The following LRRC49 variants were observed in gnomAD, a reference collection of about 807,000 sequenced individuals.
LRRC49 encodes the protein leucine-rich repeat-containing protein 49.
In LRRC49, 50 loss-of-function variants were observed where a neutral mutation model predicts 83.3. The ratio of observed to expected loss-of-function variants is 0.60; its 90% CI spans 0.48 to 0.76. LRRC49 has a LOEUF of 0.76. LRRC49 is among the 30% of genes least tolerant of loss of function. The pLI is 0.00. For missense variants in LRRC49, 704 were observed against 809.1 expected, an observed-to-expected ratio of 0.87 and a Z score of 1.58; for synonymous variants, 286 against 283.3, an observed-to-expected ratio of 1.01 and a Z score of -0.10.
intron 15 of LRRC49, among the ~76,000 whole-genome samples, chr15:71,039,141 G>A (rs1449183547): frequency 6.6e-6 from 1 of 152,110 alleles, no homozygotes; most frequent in Non-Finnish European, 1.5e-5. Context: ...ATAGCACAGT[G>A]CAAATAAGGC....
At chr15:70,876,047 G>A (rs1469830861) in intron 2 of LRRC49, among the ~76,000 whole-genome samples, 1 of 151,996 alleles carries the variant, frequency 6.6e-6, no homozygotes, top group Non-Finnish European at 1.5e-5. Context: ...GCATGTTCTT[G>A]GTCTCTCCAG....
At chr15:71,007,333 T>G (rs1292608350) in intron 11 of LRRC49, among the ~76,000 whole-genome samples, 1 of 151,996 alleles carries the variant, frequency 6.6e-6, no homozygotes, top group East Asian at 1.9e-4. Context: ...ATCTTTAGCC[T>G]CACTCACTAT....
chr15:71,041,304 A>G (rs951964713), intron 15 of LRRC49, among the ~76,000 whole-genome samples: 5 of 152,210 alleles, frequency 3.3e-5, no homozygotes, highest in Non-Finnish European at 7.3e-5. Flanking sequence ...CAGATAATGC[A>G]ATGAAACAAG....
chr15:71,052,680 C>T lies in LRRC49; in HGVS notation c.*3068C>T, dbSNP rs933462306. The T allele has an allele frequency of 6.6e-6, 1 of 152,174 alleles. No individual in the cohort carries two copies. The highest frequency in any genetic ancestry group is 2.4e-5 in the African/African-American group (1 of 41,432). The allele number at this position is 152,174 out of a possible 1,614,324, so 9.4% of individuals were successfully genotyped here. On this transcript the variant is annotated 3_prime_UTR_variant, in exon 16 of 16. Transcript: ENST00000260382. ...ATTATAAGCTCTTTGTATACATTCT[C>T]ATTTAATCTCCTAACACTGCGATAT...
At chr15:70,882,862 T>A in intron 2 of LRRC49, 1 of 1,614,124 alleles carries the variant, frequency 6.2e-7, no homozygotes, top group Middle Eastern at 1.7e-4. Flanking sequence ...ATTAGATGGA[T>A]TATCAGCATG....
At chr15:71,031,989 C>G (rs1370054069) in intron 14 of LRRC49, among the ~76,000 whole-genome samples, 1 of 152,146 alleles carries the variant, frequency 6.6e-6, no homozygotes, top group African/African-American at 2.4e-5. Context: ...AGACCGCTTT[C>G]CAGGGGAGTG....
chr15:70,905,064 G>A (rs1036620519), intron 5 of LRRC49, among the ~76,000 whole-genome samples: 4 of 152,116 alleles, frequency 2.6e-5, no homozygotes, highest in African/African-American at 9.7e-5. Context: ...TTAGACATGT[G>A]TATTCACTTT....
chr15:71,044,886 CTTTTT>C (rs71152326), intron 15 of LRRC49, among the ~76,000 whole-genome samples: 3 of 74,458 alleles, frequency 4.0e-5, no homozygotes, highest in Admixed American at 1.9e-4. Flanking sequence ...CAGAAACAAT[CTTTTT>C]TTTTTTTTTT....
At chr15:70,964,920 G>A (rs985781334) in intron 9 of LRRC49, among the ~76,000 whole-genome samples, 6 of 152,072 alleles carry the variant, frequency 3.9e-5, no homozygotes, top group African/African-American at 9.7e-5. Context: ...TCATTTATGC[G>A]TTGGCAATAC....
intron 7 of LRRC49, among the ~76,000 whole-genome samples, chr15:70,926,800 A>T (rs1238933082): frequency 1.3e-5 from 2 of 152,036 alleles, no homozygotes; most frequent in African/African-American, 4.8e-5. Flanking sequence ...TAGTTTGCAG[A>T]GAATGATGGT....
intron 6 of LRRC49, among the ~76,000 whole-genome samples, chr15:70,912,913 G>T (rs186149916): frequency 2.6e-5 from 4 of 152,136 alleles, no homozygotes; most frequent in Non-Finnish European, 4.4e-5. Flanking sequence ...TCCTGACCTC[G>T]TGATCCACCT....
chr15:70,955,909 T>C (rs1018355373), intron 8 of LRRC49, among the ~76,000 whole-genome samples: 1 of 152,222 alleles, frequency 6.6e-6, no homozygotes, highest in African/African-American at 2.4e-5. Context: ...GTTGTGTATA[T>C]TTCAGTCCTT....
Position 70,858,754 on chromosome 15 carries a change from C to G in LRRC49, c.-299+5285C>G. 3 of 1,153,276 alleles carry G rather than the reference C, an allele frequency of 2.6e-6. No homozygotes were observed. The Admixed American group carries it at 6.0e-5, about 23-fold the overall frequency. The allele number at this position is 1,153,276 out of a possible 1,614,324, so 71.4% of individuals were successfully genotyped here. A position where few individuals can be genotyped will look rare whatever the true frequency, so the allele number is the denominator to read the frequency against. Reference sequence around the variant, plus strand: ...CCCAGAAGTCCTACAAGATGTCCACCTCTGGCCCCCGGGCCTTCAGCAGCT... The same window carrying G: ...CCCAGAAGTCCTACAAGATGTCCACGTCTGGCCCCCGGGCCTTCAGCAGCT... On this transcript the variant is annotated intron_variant, in intron 1 of 16. Transcript: ENST00000544974.
intron 14 of LRRC49, among the ~76,000 whole-genome samples, chr15:71,030,858 C>T (rs1320590337): frequency 2.6e-5 from 4 of 152,000 alleles, no homozygotes; most frequent in Non-Finnish European, 5.9e-5. Flanking sequence ...CTGTGTTTTT[C>T]AGCTCCATCA....
At chr15:70,895,694 A>G in intron 2 of LRRC49, 155 bp from the exon 3 acceptor site, 1 of 522,800 alleles carries the variant, frequency 1.9e-6, no homozygotes, top group South Asian at 2.8e-5. Flanking sequence ...CCAATGTGGT[A>G]TTTTGTGTCA....
chr15:70,902,135 T>G (rs2034110880), intron 4 of LRRC49, among the ~76,000 whole-genome samples: 5 of 152,228 alleles, frequency 3.3e-5, no homozygotes, highest in Non-Finnish European at 7.3e-5. Context: ...GAATGCTGTC[T>G]AATATTTATA....
intron 1 of LRRC49, chr15:70,872,883 C>CTTT (rs781035902): frequency 2.5e-4 from 42 of 166,126 alleles, no homozygotes; most frequent in East Asian, 4.2e-4. Flanking sequence ...CTTGACATAA[C>CTTT]TTTTTTTTTT....
intron 5 of LRRC49, among the ~76,000 whole-genome samples, chr15:70,910,199 G>A (rs138945657): frequency 6.9e-4 from 105 of 152,182 alleles, no homozygotes; most frequent in African/African-American, 2.4e-3. Flanking sequence ...TACATGGTGG[G>A]CATATGAGAA....
chr15:71,017,269 A>G (rs531570827), intron 14 of LRRC49, among the ~76,000 whole-genome samples: 23 of 152,320 alleles, frequency 1.5e-4, no homozygotes, highest in African/African-American at 4.6e-4. Context: ...AAATCCCAAT[A>G]TGATTTCTCA....
Sources: gnomAD v4.1 joint callset for allele counts (sites outside exome capture counted in the v4.1 genomes callset) on GRCh38, gnomAD v4.1.1 for gene constraint, MANE v1.5 for transcripts, NCBI Gene and HGNC (gene_info 2026-07-23, HGNC 2026-07-21) for gene names.